SCN7A: variants seen among roughly 807,000 people sequenced by gnomAD.
SCN7A encodes sodium channel protein type 7 subunit alpha.
A neutral mutation model predicts 155.2 loss-of-function variants in SCN7A; 138 were observed. That is an observed-to-expected ratio of 0.89 (90% confidence interval 0.77 to 1.02). The LOEUF (loss-of-function observed/expected upper bound fraction) is 1.02, where lower values mean the gene tolerates loss of function less well. Among genes scored for constraint, SCN7A ranks in the 50% least tolerant of loss-of-function variants. The pLI, the probability that SCN7A is intolerant of heterozygous loss-of-function variation, is 0.00. For missense variants in SCN7A, 2,058 were observed against 1,986.6 expected, an observed-to-expected ratio of 1.04 and a Z score of -0.68; for synonymous variants, 693 against 649.0, an observed-to-expected ratio of 1.07 and a Z score of -1.03.
chr2:166,461,515 A>G (rs1702408922), intron 10 of SCN7A, among the ~76,000 whole-genome samples: 2 of 152,176 alleles, frequency 1.3e-5, no homozygotes, highest in African/African-American at 2.4e-5. Context: ...TTGTAACTGG[A>G]ACATGGTTGA....
chr2:166,458,423 C>T (rs1039532350), intron 10 of SCN7A, among the ~76,000 whole-genome samples: 1 of 151,758 alleles, frequency 6.6e-6, no homozygotes, highest in African/African-American at 2.4e-5. Flanking sequence ...ATTCAACCAA[C>T]CACGCATCAA....
At position 166,465,481 on chromosome 2, in the gene SCN7A, C is replaced by CA; in HGVS notation, c.921dup (p.Gly308TrpfsTer11). ...ACCTACCCAGCATCTGTCCTGTTGCCACAAAGGAGAGCATATCTTTCTCCT... is the reference window on the plus strand; with the variant it reads ...ACCTACCCAGCATCTGTCCTGTTGCCAACAAAGGAGAGCATATCTTTCTCCT... On this transcript the variant is annotated frameshift_variant, in exon 9 of 26. Coordinates refer to ENST00000643258, the MANE Select transcript of SCN7A (RefSeq NM_002976.4). LOFTEE classifies it high-confidence loss of function. 6.2e-7 allele frequency: 1 copy of CA among 1,610,010 alleles called. No individual in the cohort carries two copies. Among genetic ancestry groups the CA allele is most frequent in the Non-Finnish European group, 8.5e-7 (1 of 1,177,766 alleles).
Position 166,423,293 on chromosome 2 carries a change from T to C in SCN7A, c.2993A>G (p.Asn998Ser). The C allele has an allele frequency of 6.2e-7, 1 of 1,610,174 alleles. No homozygotes were observed. Among genetic ancestry groups the C allele is most frequent in the Non-Finnish European group, 8.5e-7 (1 of 1,178,670 alleles). Residue 998 changes from asparagine (N) to serine (S), a missense_variant, in exon 19 of 26, where the codon AAT becomes AGT. Asn to Ser is a conservative substitution (Grantham distance 46). Transcript: ENST00000643258. ...CACGAAGTCCAGCCTGTACCAGCCA[T>C]TAGAGAAATAGGCCTTAAAACCATA... ...MAYGFKAYFSNGWYRLDFVVV... is the reference protein window; with the variant it reads ...MAYGFKAYFSSGWYRLDFVVV...
At position 166,441,767 on chromosome 2, in the gene SCN7A, T is replaced by TA; in HGVS notation, c.1801-16dup. 2 of 1,565,238 alleles carry TA rather than the reference T, an allele frequency of 1.3e-6. No homozygotes were observed. The highest frequency in any genetic ancestry group is 1.7e-6 in the Non-Finnish European group (2 of 1,155,530). On this transcript the variant is annotated splice_polypyrimidine_tract_variant and intron_variant, in intron 14 of 25. Transcript: ENST00000643258. ...AAAATTCTTAACTAATAGAGCAATG[T>TA]AAAATCAAGAACAAGAAACAAATGA...
rs76610143 is a variant in SCN7A at position 166,407,845 on chromosome 2, G to A, written c.3983-1199C>T. ...GCCATGGTGGTTTGCTGCACCTATC[G>A]ACCTGTCCTCTAAGTTCCTTCCCCT... On this transcript the variant is annotated intron_variant, in intron 25 of 25. Coordinates refer to ENST00000643258, the MANE Select transcript of SCN7A (RefSeq NM_002976.4). Among the ~76,000 whole-genome samples the A allele has an allele frequency of 5.1e-3, 776 of 151,780 alleles. 39 individuals carry two copies. In the East Asian group the frequency reaches 0.11, roughly 22 times the overall value.
At chr2:166,409,530 T>C (rs901600599) in intron 25 of SCN7A, 135 bp downstream of exon 25, 1 of 625,150 alleles carries the variant, frequency 1.6e-6, no homozygotes, top group East Asian at 3.0e-5. Context: ...TAAAAAAAGA[T>C]CTCTACCTGT....
chr2:166,437,909 C>T (rs547353817), intron 15 of SCN7A, among the ~76,000 whole-genome samples: 1 of 152,246 alleles, frequency 6.6e-6, no homozygotes, highest in South Asian at 2.1e-4. Flanking sequence ...TTTGATTTTA[C>T]AGGCTCATAG....
intron 9 of SCN7A, among the ~76,000 whole-genome samples, chr2:166,465,210 G>A (rs887130685): frequency 6.6e-6 from 1 of 152,130 alleles, no homozygotes; most frequent in Non-Finnish European, 1.5e-5. Flanking sequence ...ACACCAAACT[G>A]GCCCAGCACC....
chr2:166,455,784 C>T (rs1034590577), intron 11 of SCN7A, among the ~76,000 whole-genome samples: 2 of 152,160 alleles, frequency 1.3e-5, no homozygotes, highest in African/African-American at 4.8e-5. Context: ...AAGGCCCTTT[C>T]TGCATCTATT....
chr2:166,465,666 C>G, intron 8 of SCN7A, 115 bp downstream of exon 8: 1 of 1,309,438 alleles, frequency 7.6e-7, no homozygotes, highest in South Asian at 1.3e-5. Context: ...CCTTGCCTTT[C>G]AACCAGCGCC....
intron 11 of SCN7A, among the ~76,000 whole-genome samples, chr2:166,449,915 A>C (rs1702142247): frequency 6.6e-6 from 1 of 152,200 alleles, no homozygotes; most frequent in South Asian, 2.1e-4. Context: ...GATATTTCTC[A>C]AATAACTTAA....
intron 3 of SCN7A, among the ~76,000 whole-genome samples, chr2:166,476,585 G>A (rs1702802841): frequency 1.3e-5 from 2 of 151,788 alleles, no homozygotes; most frequent in Non-Finnish European, 2.9e-5. Context: ...ATCTTTCTAG[G>A]CCTGTCTCTT....
chr2:166,439,053 G>GTATATACATATATA (rs1283353813), intron 15 of SCN7A, among the ~76,000 whole-genome samples: 9 of 86,110 alleles, frequency 1.0e-4, no homozygotes, highest in African/African-American at 4.3e-4. Flanking sequence ...GTGTGTGTGT[G>GTATATACATATATA]TGTATATATA....
chr2:166,409,685 A>G lies in SCN7A; in HGVS notation c.3962T>C (p.Val1321Ala), dbSNP rs1418832821. 6.6e-6 allele frequency: 10 copies of G among 1,519,168 alleles called. No individual in the cohort carries two copies. The highest frequency in any genetic ancestry group is 8.8e-6 in the Non-Finnish European group (10 of 1,136,048). 94.1% of individuals were successfully genotyped at this position (1,519,168 alleles called of 1,614,324 possible). ...CTTACCTGTGATGGAGAAAATAACC[A>G]CCATAAAATCAAAAATGTTCCACGC... ...TIAWNIFDFM[V>A]VIFSITGLCL... The change falls in exon 25 of 26, where the codon GTG becomes GCG. Residue 1321 changes from valine (V) to alanine (A), a missense_variant. Coordinates refer to ENST00000643258, the MANE Select transcript of SCN7A (RefSeq NM_002976.4).
rs770666839 is a variant in SCN7A at position 166,412,500 on chromosome 2, A to T, written c.3606+30T>A. On this transcript the variant is annotated intron_variant, in intron 23 of 25. Transcript: ENST00000643258. ...ATGTGTATGCCTGATTTTCTCAGAC[A>T]TTGGATAAACAAATAATATTTATAC... The T allele has an allele frequency of 3.6e-6, 5 of 1,385,670 alleles. No individual in the cohort carries two copies. In the South Asian group the frequency reaches 9.0e-5, roughly 25 times the overall value. 85.8% of individuals were successfully genotyped at this position (1,385,670 alleles called of 1,614,324 possible).
chr2:166,406,792 A>C, intron 25 of SCN7A, 146 bp from the exon 26 acceptor site: 1 of 658,450 alleles, frequency 1.5e-6, no homozygotes, highest in East Asian at 2.8e-5. Flanking sequence ...ATTCTCATTT[A>C]ACAGTTAGCA....
At chr2:166,407,436 C>T (rs973631531) in intron 25 of SCN7A, among the ~76,000 whole-genome samples, 1 of 151,878 alleles carries the variant, frequency 6.6e-6, no homozygotes, top group African/African-American at 2.4e-5. Context: ...GAAGGAATCC[C>T]ACGAGGCTTC....
In SCN7A at chr2:166,414,147, A is replaced by ATAAATATATATATTATATATATG; in HGVS notation, c.3415-1027_3415-1026insCATATATATAATATATATATTTA. 2.9e-5 allele frequency among the ~76,000 whole-genome samples: 2 copies of ATAAATATATATATTATATATATG among 68,700 alleles called. 1 individual carries two copies. The highest frequency in any genetic ancestry group is 8.0e-4 in the South Asian group (2 of 2,488). 45.1% of individuals were successfully genotyped at this position (68,700 alleles called of 152,430 possible). A position where few individuals can be genotyped will look rare whatever the true frequency, so the allele number is the denominator to read the frequency against. ...ATATATTATATATATGTAAATATAT[A>ATAAATATATATATTATATATATG]TAAATATATATAATATATTATATAT... On this transcript the variant is annotated intron_variant, in intron 21 of 25. Coordinates refer to ENST00000643258, the MANE Select transcript of SCN7A (RefSeq NM_002976.4).
intron 1 of SCN7A, among the ~76,000 whole-genome samples, chr2:166,487,574 A>T (rs540405823): frequency 1.3e-5 from 2 of 152,202 alleles, no homozygotes; most frequent in Non-Finnish European, 2.9e-5. Context: ...TAGGGAATTG[A>T]AAATACAGCA....
Sources: gnomAD v4.1 joint callset for allele counts (sites outside exome capture counted in the v4.1 genomes callset) on GRCh38, gnomAD v4.1.1 for gene constraint, MANE v1.5 for transcripts, NCBI Gene and HGNC (gene_info 2026-07-23, HGNC 2026-07-21) for gene names.